The following MTMR10 variants were observed in gnomAD, a reference collection of about 807,000 sequenced individuals.
MTMR10 encodes the protein myotubularin related protein 10, also known as myotubularin-related protein 10.
Under a neutral mutation model 88.1 loss-of-function variants are expected in MTMR10, and 56 were observed. That is an observed-to-expected ratio of 0.64 (90% CI 0.51 to 0.79). The LOEUF is 0.79. Ranked by LOEUF, MTMR10 falls within the 30% of genes least tolerant of loss-of-function variation. MTMR10 has a pLI of 0.00. For missense variants in MTMR10, 883 were observed against 924.7 expected (o/e 0.95, Z 0.58); for synonymous variants, 380 against 340.9 (o/e 1.11, Z -1.26).
At chr15:30,927,499 A>G in the MTMR10 span, 1 of 985,696 alleles carries the variant, frequency 1.0e-6, no homozygotes, top group Non-Finnish European at 1.2e-6. Flanking sequence ...TCAGAAGTGC[A>G]GGACAGAGGT....
the MTMR10 span, among the ~76,000 whole-genome samples, chr15:30,929,957 TC>T: frequency 1.7e-5 from 2 of 118,194 alleles, no homozygotes; most frequent in African/African-American, 3.6e-5. Flanking sequence ...ATAATATATA[TC>T]ATATAATATA....
chr15:30,957,325 G>A (rs1029846197), intron 9 of MTMR10, among the ~76,000 whole-genome samples: 3 of 152,158 alleles, frequency 2.0e-5, no homozygotes, highest in Admixed American at 2.0e-4. Context: ...TGAAATAAAT[G>A]TTAAAAACTC....
At chr15:30,976,976 T>C in intron 2 of MTMR10, 21 bp from the exon 3 acceptor site, 2 of 1,607,634 alleles carry the variant, frequency 1.2e-6, no homozygotes, top group Non-Finnish European at 1.7e-6. Flanking sequence ...AGAAAAATAT[T>C]TGTAAGGTAC....
intron 15 of MTMR10, chr15:30,942,467 A>G: frequency 3.8e-6 from 1 of 262,194 alleles, no homozygotes; most frequent in Non-Finnish European, 7.2e-6. Flanking sequence ...GTAGTCTGCA[A>G]ATTTTCTACC....
rs758395149 is a variant in MTMR10 at position 30,961,059 on chromosome 15, C to T, written c.580G>A (p.Gly194Arg). The change falls in exon 7 of 16, where the codon GGA (glycine) becomes AGA (arginine). Residue 194 changes from glycine to arginine, a missense_variant. Coordinates refer to ENST00000435680, the MANE Select transcript of MTMR10 (RefSeq NM_017762.3). ...KYHNSANKINGIPSGDGGGGG... is the reference protein window; with the variant it reads ...KYHNSANKINRIPSGDGGGGG... The stretch of plus-strand genomic sequence containing the variant: ...CCTCCTCCATCTCCTGAGGGAATTC[C>T]ATTAATTTTGTTTGCTGTAGGAAAA... The T allele has an allele frequency of 5.4e-5, 83 of 1,547,576 alleles. 1 individual carries two copies. The highest frequency in any genetic ancestry group is 9.9e-5 in the Admixed American group (5 of 50,502).
At chr15:30,951,874 T>C (rs531474047) in intron 12 of MTMR10, 94 bp downstream of exon 12, 1 of 1,085,512 alleles carries the variant, frequency 9.2e-7, no homozygotes, top group African/African-American at 1.6e-5. Flanking sequence ...AAGAAATAGC[T>C]AAAACTGATG....
intron 2 of MTMR10, among the ~76,000 whole-genome samples, chr15:30,978,906 T>TATA (rs1333304630): frequency 6.6e-6 from 1 of 151,768 alleles, no homozygotes; most frequent in Non-Finnish European, 1.5e-5. Context: ...CAAATATATA[T>TATA]ATATATAGAC....
At position 30,940,238 on chromosome 15, in the gene MTMR10, A is replaced by C; in HGVS notation, c.*1232T>G. On this transcript the variant is annotated 3_prime_UTR_variant, in exon 16 of 16. Transcript: ENST00000435680. ...GTAAGAAGCTTCAGCTTTGACCGCT[A>C]CAGTGGTAGGTAGGCTCTTGTCACA... is the stretch of plus-strand genomic sequence containing the variant. 1.0e-6 allele frequency: 1 copy of C among 985,320 alleles called. No individual in the cohort carries two copies. Among genetic ancestry groups the C allele is most frequent in the South Asian group, 4.7e-5 (1 of 21,264 alleles). 61.0% of individuals were successfully genotyped at this position (985,320 alleles called of 1,614,324 possible).
chr15:30,933,324 C>T, the MTMR10 span, among the ~76,000 whole-genome samples: 1 of 152,166 alleles, frequency 6.6e-6, no homozygotes, highest in African/African-American at 2.4e-5. Context: ...TAGTTGTTTT[C>T]ATTTTCATTC....
downstream of MTMR10, among the ~76,000 whole-genome samples, chr15:30,936,866 T>C (rs2062869221): frequency 6.6e-6 from 1 of 152,044 alleles, no homozygotes; most frequent in South Asian, 2.1e-4. Context: ...TGGAGTATCA[T>C]ACTGGGAAAA....
At chr15:30,928,918 C>T in the MTMR10 span, 13 of 473,838 alleles carry the variant, frequency 2.7e-5, no homozygotes, top group South Asian at 9.0e-5. Context: ...TCAGCCCTCC[C>T]GAGCACCTGC....
At chr15:30,963,931 C>T (rs887371162) in intron 6 of MTMR10, among the ~76,000 whole-genome samples, 6 of 151,892 alleles carry the variant, frequency 4.0e-5, no homozygotes, top group African/African-American at 1.2e-4. Flanking sequence ...CATATGACTA[C>T]ATTAAACACG....
chr15:30,927,318 C>T, the MTMR10 span: 24 of 985,504 alleles, frequency 2.4e-5, no homozygotes, highest in Non-Finnish European at 2.8e-5. Context: ...GTCCTAGCTC[C>T]ACTCCTGGCT....
intron 5 of MTMR10, among the ~76,000 whole-genome samples, chr15:30,970,323 CTA>C (rs2063522282): frequency 2.0e-5 from 3 of 151,942 alleles, no homozygotes; most frequent in Admixed American, 1.3e-4. Flanking sequence ...AGTTAGATAA[CTA>C]TGAATGCTAA....
chr15:30,959,549 A>C (rs987328090), intron 7 of MTMR10, among the ~76,000 whole-genome samples: 1 of 152,252 alleles, frequency 6.6e-6, no homozygotes, highest in Non-Finnish European at 1.5e-5. Flanking sequence ...TAAAAGGCAC[A>C]GTCAGACTCT....
At chr15:30,960,846 C>T (rs1457971866) in intron 7 of MTMR10, 35 bp downstream of exon 7, 2 of 1,504,176 alleles carry the variant, frequency 1.3e-6, no homozygotes, top group Non-Finnish European at 1.8e-6. Context: ...GAAGTGACTT[C>T]CAGCCATATA....
intron 9 of MTMR10, among the ~76,000 whole-genome samples, chr15:30,957,590 G>A (rs2063344917): frequency 6.6e-6 from 1 of 152,176 alleles, no homozygotes; most frequent in African/African-American, 2.4e-5. Context: ...GGATGTGGTG[G>A]TGGGTGCCTG....
In MTMR10 at chr15:30,947,239, G is replaced by C; in HGVS notation, c.1439C>G (p.Ala480Gly). The C allele has an allele frequency of 6.2e-7, 1 of 1,613,936 alleles. No homozygotes were observed. Among genetic ancestry groups the C allele is most frequent in the South Asian group, 1.1e-5 (1 of 91,066 alleles). The change falls in exon 14 of 16, where the codon GCT becomes GGT. Residue 480 changes from alanine (A) to glycine (G), a missense_variant. Ala to Gly is a moderately conservative substitution (Grantham distance 60). This residue lies in a region of MTMR10 where 126 missense variants were observed against 178.2 expected (regional missense o/e 0.71). Coordinates refer to ENST00000435680, the MANE Select transcript of MTMR10 (RefSeq NM_017762.3). The part of the protein sequence containing the change: ...TWQLLEQYPA[A>G]FEFSETYLAV... ...CAGGTAGGTTTCGGAGAACTCAAAAGCTGCAGGATATTGTTCTAACAGCTG... is the reference window on the plus strand; with the variant it reads ...CAGGTAGGTTTCGGAGAACTCAAAACCTGCAGGATATTGTTCTAACAGCTG...
At chr15:30,936,915 C>T (rs1000472771), downstream of MTMR10, among the ~76,000 whole-genome samples, 1 of 152,146 alleles carries the variant, frequency 6.6e-6, no homozygotes, top group African/African-American at 2.4e-5. Flanking sequence ...GAATGTATAT[C>T]ACTTTTGCAC....
Sources: allele counts gnomAD v4.1 joint callset (sites outside exome capture counted in the v4.1 genomes callset), GRCh38; gene constraint gnomAD v4.1.1; regional missense constraint gnomAD v4.1.1; transcripts MANE v1.5; gene names NCBI Gene and HGNC (gene_info 2026-07-23, HGNC 2026-07-21).